ITGAV: variants seen among roughly 807,000 people sequenced by gnomAD.
ITGAV encodes the protein integrin subunit alpha V.
In ITGAV, 76 loss-of-function variants were observed where a neutral mutation model predicts 143.8. The ratio of observed to expected loss-of-function variants is 0.53; its 90% CI spans 0.44 to 0.64. ITGAV has a LOEUF of 0.64. Among genes scored for constraint, ITGAV ranks in the 30% least tolerant of loss-of-function variants. The pLI, the probability that ITGAV is intolerant of heterozygous loss-of-function variation, is 0.00. For missense variants in ITGAV, 1,193 were observed against 1,274.7 expected (o/e 0.94, Z 0.98); for synonymous variants, 453 against 446.7 (o/e 1.01, Z -0.18).
chr2:186,676,779 T>G, intron 28 of ITGAV, 34 bp from the exon 29 acceptor site: 1 of 1,602,104 alleles, frequency 6.2e-7, no homozygotes, highest in Non-Finnish European at 8.5e-7. Context: ...GTCAATGGAC[T>G]GTTTTTAAAA....
intron 26 of ITGAV, among the ~76,000 whole-genome samples, chr2:186,673,203 G>A (rs564488845): frequency 2.6e-5 from 4 of 152,276 alleles, no homozygotes; most frequent in Admixed American, 2.0e-4. Flanking sequence ...GGTCTTGGCA[G>A]TCTTGTTGGA....
At chr2:186,636,261 A>G in intron 7 of ITGAV, 54 bp downstream of exon 7, 1 of 1,408,862 alleles carries the variant, frequency 7.1e-7, no homozygotes, top group Non-Finnish European at 9.7e-7. Flanking sequence ...TATATCTTAT[A>G]TCTGAGTATG....
At chr2:186,670,434 A>G (rs988910437) in intron 26 of ITGAV, among the ~76,000 whole-genome samples, 14 of 152,024 alleles carry the variant, frequency 9.2e-5, no homozygotes, top group African/African-American at 3.4e-4. Flanking sequence ...CCAAGTAGCT[A>G]GGACTATAGG....
At chr2:186,648,854 A>G (rs771902741) in intron 13 of ITGAV, among the ~76,000 whole-genome samples, 38 of 151,652 alleles carry the variant, frequency 2.5e-4, no homozygotes, top group Admixed American at 1.6e-3. Flanking sequence ...AATCTAATGT[A>G]TAGTTATGAG....
In ITGAV at chr2:186,638,335, AG is replaced by A; in HGVS notation, c.846+17del. On this transcript the variant is annotated intron_variant, in intron 9 of 29. Coordinates refer to ENST00000261023, the MANE Select transcript of ITGAV (RefSeq NM_002210.5). Reference sequence around the variant, plus strand: ...CTTTGGGAATGGTAGGACAGTTAAAAGGTATTTTTTAAAAAATCTCTAAGTT... The same window carrying A: ...CTTTGGGAATGGTAGGACAGTTAAAAGTATTTTTTAAAAAATCTCTAAGTT... The A allele has an allele frequency of 6.2e-7, 1 of 1,612,914 alleles. No homozygotes were observed. The highest frequency in any genetic ancestry group is 8.5e-7 in the Non-Finnish European group (1 of 1,178,956).
chr2:186,630,170 T>A (rs1379243223), intron 4 of ITGAV, among the ~76,000 whole-genome samples: 1 of 152,062 alleles, frequency 6.6e-6, no homozygotes, highest in Non-Finnish European at 1.5e-5. Flanking sequence ...GTTATTCATC[T>A]CTGTTGTTGG....
chr2:186,609,025 GT>G (rs1161057402), intron 2 of ITGAV, among the ~76,000 whole-genome samples: 3 of 152,146 alleles, frequency 2.0e-5, no homozygotes, highest in Admixed American at 6.6e-5. Context: ...TTTTATAGTA[GT>G]GTCTGTTTGG....
chr2:186,598,025 A>G (rs981803882), intron 1 of ITGAV, among the ~76,000 whole-genome samples: 2 of 152,136 alleles, frequency 1.3e-5, no homozygotes, highest in Admixed American at 6.6e-5. Flanking sequence ...ATCCTGATGT[A>G]GAACCTGGTA....
chr2:186,600,245 C>A (rs1005320603), intron 1 of ITGAV: 1 of 1,209,504 alleles, frequency 8.3e-7, no homozygotes, highest in Non-Finnish European at 1.2e-6. Context: ...TTGCCAGGGT[C>A]TTTCTACCTC....
chr2:186,664,080 A>G (rs1433448201), intron 19 of ITGAV, among the ~76,000 whole-genome samples: 1 of 152,238 alleles, frequency 6.6e-6, no homozygotes, highest in East Asian at 1.9e-4. Flanking sequence ...ATAATATTGT[A>G]TCATTTTAAA....
rs748101303 is a variant in ITGAV at position 186,640,984 on chromosome 2, A to AG, written c.956+17_956+18insG. On this transcript the variant is annotated intron_variant, in intron 11 of 29. Transcript: ENST00000261023. The stretch of plus-strand genomic sequence containing the variant: ...TGGAGATGAGTAAGTTTAAAAAAAA[A>AG]TGTTTCCAGAAAGTTATCTTCTCAT... 1.3e-5 allele frequency: 21 copies of AG among 1,568,770 alleles called. No individual in the cohort carries two copies. The highest frequency in any genetic ancestry group is 1.7e-5 in the Non-Finnish European group (20 of 1,148,956).
chr2:186,619,732 T>C (rs1368065476), intron 2 of ITGAV, among the ~76,000 whole-genome samples: 2 of 152,190 alleles, frequency 1.3e-5, no homozygotes, highest in East Asian at 3.8e-4. Flanking sequence ...GGCCCACACC[T>C]GTAATCCCAG....
intron 22 of ITGAV, 82 bp from the exon 23 acceptor site, chr2:186,667,068 T>C (rs1688918675): frequency 9.9e-7 from 1 of 1,007,474 alleles, no homozygotes; most frequent in Non-Finnish European, 1.5e-6. Context: ...GTTTGTTAAT[T>C]TTTAGTTTCA....
At position 186,612,983 on chromosome 2, in the gene ITGAV, T is replaced by C. The variant is rs1038274557; in HGVS notation, c.317-9356T>C. 2.6e-5 allele frequency among the ~76,000 whole-genome samples: 4 copies of C among 152,296 alleles called. No homozygotes were observed. In the South Asian group the frequency reaches 8.3e-4, roughly 32 times the overall value. ...TAAGCAATTTAGAAATCTTTTAGTC[T>C]AATTCCTTTACTACTAACTGACTGA... On this transcript the variant is annotated intron_variant, in intron 2 of 29. Coordinates refer to ENST00000261023, the MANE Select transcript of ITGAV (RefSeq NM_002210.5).
intron 10 of ITGAV, among the ~76,000 whole-genome samples, chr2:186,639,995 C>G (rs1350448522): frequency 2.0e-5 from 3 of 152,232 alleles, no homozygotes; most frequent in African/African-American, 7.2e-5. Context: ...CCCAATTACA[C>G]TGTATCAACC....
At chr2:186,590,580 C>T (rs1467767581) in intron 1 of ITGAV, 57 bp downstream of exon 1, 1 of 1,491,218 alleles carries the variant, frequency 6.7e-7, no homozygotes, top group African/African-American at 1.4e-5. Context: ...GCGCACCCAC[C>T]CAGCGTTTCT....
chr2:186,635,826 A>G (rs2105703685), intron 6 of ITGAV, among the ~76,000 whole-genome samples: 1 of 152,312 alleles, frequency 6.6e-6, no homozygotes, highest in South Asian at 2.1e-4. Context: ...ATTGCTTTCT[A>G]GTGATTTAAG....
chr2:186,615,337 C>T (rs142190710), intron 2 of ITGAV, among the ~76,000 whole-genome samples: 135 of 151,950 alleles, frequency 8.9e-4, no homozygotes, highest in African/African-American at 2.4e-3. Flanking sequence ...GGAATTGCTG[C>T]GTCATATGGT....
Position 186,659,097 on chromosome 2 carries a change from G to A in ITGAV, c.1779G>A (p.Leu593=), listed in dbSNP as rs760235492. 6 of 1,611,044 alleles carry A rather than the reference G, an allele frequency of 3.7e-6. No individual in the cohort carries two copies. The South Asian group carries it at 4.4e-5, about 12-fold the overall frequency. Residue 593 remains leucine (L), a synonymous_variant, in exon 18 of 30, where the codon TTG becomes TTA. Coordinates refer to ENST00000261023, the MANE Select transcript of ITGAV (RefSeq NM_002210.5). ...TTACTATTTTTATGGAATATCGGTT[G>A]GATTATAGAACAGCTGCTGATACAA... ...TPITIFMEYR[L]DYRTAADTTG... is the part of the protein sequence containing the mutation.
Sources: allele counts gnomAD v4.1 joint callset (sites outside exome capture counted in the v4.1 genomes callset), GRCh38; gene constraint gnomAD v4.1.1; transcripts MANE v1.5; gene names NCBI Gene and HGNC (gene_info 2026-07-23, HGNC 2026-07-21).